Variants in PELI2 observed in about 807,000 individuals in gnomAD.
PELI2 encodes E3 ubiquitin-protein ligase pellino homolog 2.
Under a neutral mutation model 42.3 loss-of-function variants are expected in PELI2, and 23 were observed. That is an observed-to-expected ratio of 0.54 (90% confidence interval 0.39 to 0.77). PELI2 has a LOEUF of 0.77. Among genes scored for constraint, PELI2 ranks in the 30% least tolerant of loss-of-function variants. The pLI is 0.00. For missense variants in PELI2, 463 were observed against 553.2 expected (o/e 0.84, Z 1.64); for synonymous variants, 245 against 212.2 (o/e 1.15, Z -1.34).
chr14:56,279,755 A>G lies in PELI2; in HGVS notation c.287A>G (p.Asp96Gly). Residue 96 changes from aspartate to glycine, a missense_variant, in exon 3 of 6, where the codon GAT becomes GGT. Around this residue, in one of 3 missense-constraint regions of PELI2, gnomAD observed 343 missense variants for 378.4 expected, o/e 0.91. Transcript: ENST00000267460. ...ACTGTGGTGGTGGAGTACACACATG[A>G]TAAGGATACGGATATGTTTCAGGTA... Reference protein sequence around the residue: ...NQTVVVEYTHDKDTDMFQVGR... With the variant: ...NQTVVVEYTHGKDTDMFQVGR... The G allele has an allele frequency of 6.3e-7, 1 of 1,581,820 alleles. No individual in the cohort carries two copies. The highest frequency in any genetic ancestry group is 8.7e-7 in the Non-Finnish European group (1 of 1,151,406).
chr14:56,211,584 T>C (rs994359439), intron 2 of PELI2, among the ~76,000 whole-genome samples: 7 of 152,246 alleles, frequency 4.6e-5, no homozygotes, highest in Non-Finnish European at 8.8e-5. Flanking sequence ...CTAGTCATAG[T>C]ACTTGTCATC....
intron 1 of PELI2, among the ~76,000 whole-genome samples, chr14:56,133,337 G>A (rs1356048883): frequency 6.6e-6 from 1 of 152,058 alleles, no homozygotes; most frequent in African/African-American, 2.4e-5. Context: ...AAGTTGAGGG[G>A]GCAGCATCAG....
At position 56,279,773 on chromosome 14, in the gene PELI2, T is replaced by A. The variant is rs763514257; in HGVS notation, c.305T>A (p.Phe102Tyr). 2 of 1,515,294 alleles carry A rather than the reference T, an allele frequency of 1.3e-6. No individual in the cohort carries two copies. 93.9% of individuals were successfully genotyped at this position (1,515,294 alleles called of 1,614,324 possible). The change falls in exon 3 of 6, where the codon TTT becomes TAT. Residue 102 changes from phenylalanine (F) to tyrosine (Y), a missense_variant. Transcript: ENST00000267460. ...ACACATGATAAGGATACGGATATGTTTCAGGTAATATTTTTCTTTTTTAAT... is the reference window on the plus strand; with the variant it reads ...ACACATGATAAGGATACGGATATGTATCAGGTAATATTTTTCTTTTTTAAT... Reference protein sequence around the residue: ...EYTHDKDTDMFQVGRSTESPI... With the variant: ...EYTHDKDTDMYQVGRSTESPI...
At chr14:56,258,793 GTA>G (rs1888611188) in intron 2 of PELI2, among the ~76,000 whole-genome samples, 1 of 152,068 alleles carries the variant, frequency 6.6e-6, no homozygotes, top group South Asian at 2.1e-4. Flanking sequence ...GGAGGTAAAG[GTA>G]GCAATTTTAA....
chr14:56,174,838 G>T (rs1885312012), intron 1 of PELI2, among the ~76,000 whole-genome samples: 2 of 152,076 alleles, frequency 1.3e-5, no homozygotes, highest in Non-Finnish European at 2.9e-5. Flanking sequence ...ATACAACCAG[G>T]ACGTTACAGT....
At chr14:56,250,078 G>A (rs1479124211) in intron 2 of PELI2, among the ~76,000 whole-genome samples, 1 of 152,104 alleles carries the variant, frequency 6.6e-6, no homozygotes, top group African/African-American at 2.4e-5. Flanking sequence ...CTCCAAATGG[G>A]GCTGTATCCT....
chr14:56,298,737 T>G lies in PELI2; in HGVS notation c.*1571T>G, dbSNP rs1890089180. ...ATACGATAATATTACTCTTGATTGC[T>G]GCTGCTTAATTTGATGTAATATGTT... is the stretch of plus-strand genomic sequence containing the variant. On this transcript the variant is annotated 3_prime_UTR_variant, in exon 6 of 6. Coordinates refer to ENST00000267460, the MANE Select transcript of PELI2 (RefSeq NM_021255.3). 6.5e-6 allele frequency: 1 copy of G among 152,698 alleles called. No individual in the cohort carries two copies. Among genetic ancestry groups the G allele is most frequent in the Non-Finnish European group, 1.5e-5 (1 of 68,048 alleles). The allele number at this position is 152,698 out of a possible 1,614,324, so 9.5% of individuals were successfully genotyped here.
rs1231324212 is a variant in PELI2, at chr14:56,273,921, AG to A, written c.208-5752del. Reference sequence around the variant, plus strand: ...TTTGATTCAGCATCTCAAAGATGTCAGGGCTCTGAGCCAACTTCTGTGAGAG... The same window carrying A: ...TTTGATTCAGCATCTCAAAGATGTCAGGCTCTGAGCCAACTTCTGTGAGAG... On this transcript the variant is annotated intron_variant, in intron 2 of 5. Coordinates refer to ENST00000267460, the MANE Select transcript of PELI2 (RefSeq NM_021255.3). This position sits in a 1 kb window ranked among gnomAD's most constrained non-coding sequence, Gnocchi z 4.3. Among the ~76,000 whole-genome samples, 2 of 152,236 alleles carry A rather than the reference AG, an allele frequency of 1.3e-5. No individual in the cohort carries two copies. Among genetic ancestry groups the A allele is most frequent in the Non-Finnish European group, 2.9e-5 (2 of 68,028 alleles).
chr14:56,214,882 G>A (rs1293106673), intron 2 of PELI2, among the ~76,000 whole-genome samples: 1 of 152,206 alleles, frequency 6.6e-6, no homozygotes, highest in Non-Finnish European at 1.5e-5. Context: ...GAGATAAACA[G>A]TGCAGTGCAG....
intron 3 of PELI2, among the ~76,000 whole-genome samples, chr14:56,286,137 C>A (rs951002334): frequency 6.6e-6 from 1 of 152,050 alleles, no homozygotes; most frequent in Non-Finnish European, 1.5e-5. Context: ...AGCTCCAGAA[C>A]GTGTGTGAAA....
At chr14:56,195,309 T>C (rs910335251) in intron 2 of PELI2, among the ~76,000 whole-genome samples, 2 of 152,224 alleles carry the variant, frequency 1.3e-5, no homozygotes, top group African/African-American at 4.8e-5. Flanking sequence ...TTATGTCTGC[T>C]TCTCACCATT....
chr14:56,154,082 A>G (rs940055093), intron 1 of PELI2, among the ~76,000 whole-genome samples: 2 of 152,230 alleles, frequency 1.3e-5, no homozygotes, highest in African/African-American at 4.8e-5. Flanking sequence ...ATAAATAATT[A>G]AATTACCCAT....
At chr14:56,190,171 G>C (rs1186055345) in intron 2 of PELI2, among the ~76,000 whole-genome samples, 3 of 152,098 alleles carry the variant, frequency 2.0e-5, no homozygotes, top group African/African-American at 7.2e-5. Context: ...TCATGAACAT[G>C]ACATACCACT....
chr14:56,205,719 C>T (rs1886494260), intron 2 of PELI2, among the ~76,000 whole-genome samples: 1 of 152,118 alleles, frequency 6.6e-6, no homozygotes, highest in Non-Finnish European at 1.5e-5. Context: ...TTCAAGAGCA[C>T]AGCACCATTG....
At chr14:56,238,564 G>C (rs1173766813) in intron 2 of PELI2, among the ~76,000 whole-genome samples, 1 of 152,128 alleles carries the variant, frequency 6.6e-6, no homozygotes, top group East Asian at 1.9e-4. Flanking sequence ...ATCCCTCCGT[G>C]CTCTTAAGTA....
chr14:56,290,348 A>T lies in PELI2; in HGVS notation c.588A>T (p.Arg196=), dbSNP rs200466106. Residue 196 remains arginine, a synonymous_variant, in exon 5 of 6, where the codon CGA becomes CGT. Coordinates refer to ENST00000267460, the MANE Select transcript of PELI2 (RefSeq NM_021255.3). ...TTNGVLVMHP[R]GGFTEESQPG... Reference sequence around the variant, plus strand: ...ATGGCGTCCTGGTGATGCATCCACGAGGGGGCTTCACCGAGGAGTCCCAGC... The same window carrying T: ...ATGGCGTCCTGGTGATGCATCCACGTGGGGGCTTCACCGAGGAGTCCCAGC... 2 of 1,613,480 alleles carry T rather than the reference A, an allele frequency of 1.2e-6. No homozygotes were observed. The highest frequency in any genetic ancestry group is 1.7e-6 in the Non-Finnish European group (2 of 1,179,652).
chr14:56,297,187 G>T lies in PELI2; in HGVS notation c.*21G>T, dbSNP rs1033444053. 1 of 1,538,412 alleles carries T rather than the reference G, an allele frequency of 6.5e-7. No individual in the cohort carries two copies. Among genetic ancestry groups the T allele is most frequent in the South Asian group, 1.1e-5 (1 of 87,574 alleles). ...ACTGACGCCCTTGACAGCCATCTAC[G>T]ACTTTATTAACAGGTTACTGTGAAG... On this transcript the variant is annotated 3_prime_UTR_variant, in exon 6 of 6. Transcript: ENST00000267460.
chr14:56,232,178 G>A (rs144921003), intron 2 of PELI2, among the ~76,000 whole-genome samples: 1 of 152,046 alleles, frequency 6.6e-6, no homozygotes, highest in Non-Finnish European at 1.5e-5. Context: ...TCTACCAGAG[G>A]TACAAAGAGG....
intron 2 of PELI2, among the ~76,000 whole-genome samples, chr14:56,259,943 A>T (rs1421706846): frequency 6.6e-6 from 1 of 152,190 alleles, no homozygotes; most frequent in African/African-American, 2.4e-5. Flanking sequence ...TATAAACTGC[A>T]AAACATTGTT....
Sources: allele counts gnomAD v4.1 joint callset (sites outside exome capture counted in the v4.1 genomes callset), GRCh38; gene constraint gnomAD v4.1.1; regional missense constraint gnomAD v4.1.1; non-coding constraint Gnocchi (gnomAD v3.1); transcripts MANE v1.5; gene names NCBI Gene and HGNC (gene_info 2026-07-23, HGNC 2026-07-21).